Variants in GALNTL6 observed in about 807,000 individuals in gnomAD.
The protein encoded by GALNTL6 is polypeptide N-acetylgalactosaminyltransferase-like 6.
GALNTL6 carries 46 observed loss-of-function variants against 73.7 expected under a neutral mutation model. That is an observed-to-expected ratio of 0.62 (90% CI 0.49 to 0.80). The LOEUF (loss-of-function observed/expected upper bound fraction) is 0.80, where lower values mean the gene tolerates loss of function less well. GALNTL6 is among the 30% of genes least tolerant of loss of function. The pLI, the probability that GALNTL6 is intolerant of heterozygous loss-of-function variation, is 0.00. For missense variants in GALNTL6, 604 were observed against 755.0 expected (o/e 0.80, Z 2.34); for synonymous variants, 259 against 263.7 (o/e 0.98, Z 0.17).
Position 172,946,145 on chromosome 4 carries a change from G to C in GALNTL6, c.1150-5892G>C, listed in dbSNP as rs868091800. Among the ~76,000 whole-genome samples the C allele has an allele frequency of 3.2e-3, 479 of 149,754 alleles. 4 individuals carry two copies. Among genetic ancestry groups the C allele is most frequent in the African/African-American group, 0.012 (455 of 39,298 alleles). ...AAAGCGTGTGTGTGTGTGTGTGTGT[G>C]TGTGTGAAGAAAGAGGATTCACTAT... On this transcript the variant is annotated intron_variant, in intron 9 of 12. Transcript: ENST00000506823.
At chr4:172,605,544 T>C (rs1467386931) in intron 5 of GALNTL6, among the ~76,000 whole-genome samples, 1 of 152,080 alleles carries the variant, frequency 6.6e-6, no homozygotes, top group Non-Finnish European at 1.5e-5. Context: ...AGAAATAATT[T>C]AAACATATTA....
intron 2 of GALNTL6, among the ~76,000 whole-genome samples, chr4:172,010,306 T>C (rs1740965287): frequency 8.4e-6 from 1 of 118,490 alleles, no homozygotes; most frequent in Non-Finnish European, 1.7e-5. Flanking sequence ...TTCATTAAAA[T>C]GTAAGTTTTT....
intron 5 of GALNTL6, among the ~76,000 whole-genome samples, chr4:172,628,213 A>T (rs1473360799): frequency 1.3e-5 from 2 of 152,144 alleles, no homozygotes; most frequent in Non-Finnish European, 2.9e-5. Context: ...ATTATAATCA[A>T]ATCAACATCA....
chr4:172,590,406 A>G (rs570147734), intron 5 of GALNTL6, among the ~76,000 whole-genome samples: 1 of 152,216 alleles, frequency 6.6e-6, no homozygotes, highest in Non-Finnish European at 1.5e-5. Context: ...TTCATTAGGC[A>G]ATTGAAAAAA....
At position 172,902,255 on chromosome 4, in the gene GALNTL6, A is replaced by G. The variant is rs116522725; in HGVS notation, c.1041+19348A>G. On this transcript the variant is annotated intron_variant, in intron 8 of 12. Transcript: ENST00000506823. The stretch of plus-strand genomic sequence containing the variant: ...TAATTTTTCCAGAGTGCAATTTTAC[A>G]TCTAGTCCCCAAAGATTAAAGTCCA... 6.1e-3 allele frequency among the ~76,000 whole-genome samples: 927 copies of G among 152,328 alleles called. 8 individuals carry two copies. Among genetic ancestry groups the G allele is most frequent in the African/African-American group, 0.021 (863 of 41,574 alleles).
At chr4:172,883,766 T>G (rs2111194856) in intron 8 of GALNTL6, among the ~76,000 whole-genome samples, 1 of 152,228 alleles carries the variant, frequency 6.6e-6, no homozygotes. Context: ...TTAACCAACT[T>G]CTTTTTTTGC....
chr4:172,972,206 C>T (rs1309689173), intron 10 of GALNTL6, among the ~76,000 whole-genome samples: 1 of 152,066 alleles, frequency 6.6e-6, no homozygotes, highest in Admixed American at 6.6e-5. Flanking sequence ...ATAATAGAAC[C>T]TTAACACACC....
chr4:172,162,877 G>T (rs1734516225), intron 2 of GALNTL6, among the ~76,000 whole-genome samples: 2 of 152,150 alleles, frequency 1.3e-5, no homozygotes. Flanking sequence ...TTTAAATTCT[G>T]CTGGCTTTAG....
chr4:172,246,909 C>T (rs1737682538), intron 3 of GALNTL6, among the ~76,000 whole-genome samples: 1 of 151,226 alleles, frequency 6.6e-6, no homozygotes, highest in South Asian at 2.1e-4. Context: ...CTGGGGTAAC[C>T]CTGTTTTTAT....
chr4:172,262,632 A>T (rs1161862521), intron 3 of GALNTL6, among the ~76,000 whole-genome samples: 1 of 151,548 alleles, frequency 6.6e-6, no homozygotes, highest in East Asian at 1.9e-4. Flanking sequence ...CAGTGTTAGT[A>T]TTGAGATGTG....
intron 5 of GALNTL6, among the ~76,000 whole-genome samples, chr4:172,499,988 TACA>T (rs1199807645): frequency 6.6e-6 from 1 of 152,024 alleles, no homozygotes; most frequent in Admixed American, 6.5e-5. Flanking sequence ...ACAGAGGGAA[TACA>T]ACCAAAAAAA....
At chr4:172,418,925 T>A (rs1020714777) in intron 5 of GALNTL6, among the ~76,000 whole-genome samples, 1 of 128,804 alleles carries the variant, frequency 7.8e-6, no homozygotes, top group Non-Finnish European at 1.7e-5. Flanking sequence ...TTAAAATTTT[T>A]AAAAAGTAGT....
rs111359857 is a variant in GALNTL6, at chr4:172,452,286, C to T, written c.553+103597C>T. On this transcript the variant is annotated intron_variant, in intron 5 of 12. Transcript: ENST00000506823. ...AAAGTGAACAAAAAAAAGACACACA[C>T]ACATACACGTATTTTCACTATTTAT... Among the ~76,000 whole-genome samples the T allele has an allele frequency of 5.9e-3, 891 of 151,804 alleles. 10 individuals are homozygous for T. The highest frequency in any genetic ancestry group is 0.02 in the African/African-American group (847 of 41,436).
chr4:172,069,541 T>TGTATGACAC (rs1731469218), intron 2 of GALNTL6, among the ~76,000 whole-genome samples: 1 of 78,616 alleles, frequency 1.3e-5, no homozygotes, highest in Non-Finnish European at 2.8e-5. Context: ...ATATATTATA[T>TGTATGACAC]ATAACACATA....
chr4:172,905,729 T>C (rs182233309), intron 8 of GALNTL6, among the ~76,000 whole-genome samples: 24 of 148,732 alleles, frequency 1.6e-4, no homozygotes, highest in Non-Finnish European at 3.1e-4. Flanking sequence ...AGTCTAGGTA[T>C]ACTTTATTAA....
At chr4:172,059,550 G>A (rs573965974) in intron 2 of GALNTL6, among the ~76,000 whole-genome samples, 91 of 152,086 alleles carry the variant, frequency 6.0e-4, no homozygotes, top group African/African-American at 2.1e-3. Context: ...ATATGAATGA[G>A]GGCAAGAATG....
chr4:172,759,781 CTT>C (rs1365925252), intron 5 of GALNTL6, among the ~76,000 whole-genome samples: 1 of 137,032 alleles, frequency 7.3e-6, no homozygotes, highest in Non-Finnish European at 1.5e-5. Context: ...CACCTGCACT[CTT>C]TGAAATATTT....
At chr4:172,166,741 C>A (rs530377464) in intron 2 of GALNTL6, among the ~76,000 whole-genome samples, 3 of 152,278 alleles carry the variant, frequency 2.0e-5, no homozygotes, top group African/African-American at 7.2e-5. Context: ...CTTTCTTTGC[C>A]TCCAAGATGG....
intron 5 of GALNTL6, among the ~76,000 whole-genome samples, chr4:172,787,718 T>C (rs1309775513): frequency 6.6e-6 from 1 of 152,054 alleles, no homozygotes; most frequent in Non-Finnish European, 1.5e-5. Flanking sequence ...AACAACAGCA[T>C]TTACAGATGA....
Sources: allele counts gnomAD v4.1 joint callset (sites outside exome capture counted in the v4.1 genomes callset), GRCh38; gene constraint gnomAD v4.1.1; transcripts MANE v1.5; gene names NCBI Gene and HGNC (gene_info 2026-07-23, HGNC 2026-07-21).